Variants in DPP10 observed in about 807,000 individuals in gnomAD.
The protein encoded by DPP10 is inactive dipeptidyl peptidase 10.
A neutral mutation model predicts 120.9 loss-of-function variants in DPP10; 33 were observed. The observed-to-expected ratio is 0.27, with a 90% CI of 0.21 to 0.37. DPP10 has a LOEUF of 0.37. DPP10 is among the 10% of genes least tolerant of loss of function. DPP10 has a pLI of 1.00. For synonymous variants in DPP10, 337 were observed against 326.1 expected (o/e 1.03, Z -0.36); for missense variants, 816 against 942.8 (o/e 0.87, Z 1.76).
At chr2:115,343,754 A>G (rs1235758013) in intron 2 of DPP10, 63 bp from the exon 3 acceptor site, 2 of 1,158,646 alleles carry the variant, frequency 1.7e-6, no homozygotes, top group Non-Finnish European at 2.5e-6. Context: ...AAATTTTGTA[A>G]TTTGCTCCTT....
chr2:115,448,965 A>G (rs1462863247), intron 3 of DPP10, among the ~76,000 whole-genome samples: 1 of 152,110 alleles, frequency 6.6e-6, no homozygotes, highest in East Asian at 1.9e-4. Context: ...TCATACCTAG[A>G]ATAGTTCTGG....
chr2:115,464,201 C>A (rs1036782341), intron 3 of DPP10, among the ~76,000 whole-genome samples: 1 of 152,150 alleles, frequency 6.6e-6, no homozygotes, highest in Non-Finnish European at 1.5e-5. Flanking sequence ...TGTGATAGAG[C>A]AGTCCCAGTC....
intron 1 of DPP10, among the ~76,000 whole-genome samples, chr2:115,076,922 T>G (rs901205373): frequency 2.6e-5 from 4 of 152,258 alleles, no homozygotes; most frequent in African/African-American, 9.6e-5. Context: ...ACTGCTATAT[T>G]GTTTTCCAAA....
At chr2:114,539,403 T>C (rs1185211394) in intron 1 of DPP10, among the ~76,000 whole-genome samples, 1 of 152,124 alleles carries the variant, frequency 6.6e-6, no homozygotes, top group Admixed American at 6.5e-5. Context: ...CCTATCATCT[T>C]AAGATAAAAG....
intron 3 of DPP10, among the ~76,000 whole-genome samples, chr2:115,452,896 T>C (rs17044379): frequency 0.029 from 4,399 of 152,014 alleles, 221 homozygotes; most frequent in African/African-American, 0.099. Flanking sequence ...TAGTAGGATT[T>C]ATGGAAATAC....
intron 3 of DPP10, among the ~76,000 whole-genome samples, chr2:115,375,855 A>G (rs760045271): frequency 1.8e-4 from 28 of 152,238 alleles, no homozygotes; most frequent in Admixed American, 7.2e-4. Context: ...GAAAACAACA[A>G]GAAGAAAATC....
At chr2:114,593,226 C>G (rs753258530) in intron 1 of DPP10, among the ~76,000 whole-genome samples, 1 of 152,104 alleles carries the variant, frequency 6.6e-6, no homozygotes. Flanking sequence ...AAGAAGGCTG[C>G]AGCATGAGAA....
intron 21 of DPP10, among the ~76,000 whole-genome samples, chr2:115,816,901 C>T (rs1458727680): frequency 6.7e-6 from 1 of 149,392 alleles, no homozygotes; most frequent in Non-Finnish European, 1.5e-5. Context: ...AGGTGTGAGC[C>T]ACCGTGCCCA....
intron 3 of DPP10, among the ~76,000 whole-genome samples, chr2:115,440,594 C>T (rs1027120930): frequency 6.6e-6 from 1 of 152,132 alleles, no homozygotes; most frequent in Non-Finnish European, 1.5e-5. Flanking sequence ...CTCTCGGCCC[C>T]GAGGAAGGGG....
chr2:114,892,905 A>G (rs1373892812), intron 1 of DPP10, among the ~76,000 whole-genome samples: 13 of 152,204 alleles, frequency 8.5e-5, no homozygotes, highest in Admixed American at 8.5e-4. Context: ...CAACCAAGAA[A>G]GATGGGATTT....
chr2:115,088,257 A>C (rs538795996), intron 1 of DPP10, among the ~76,000 whole-genome samples: 1 of 152,250 alleles, frequency 6.6e-6, no homozygotes, highest in East Asian at 1.9e-4. Flanking sequence ...GTTAAGGGAC[A>C]CAAACATTCA....
rs566047062 is a variant in DPP10, at chr2:114,676,498, G to GT, written c.60+233667dup. Among the ~76,000 whole-genome samples, 323 of 152,094 alleles carry GT rather than the reference G, an allele frequency of 2.1e-3. 2 individuals carry two copies. Among genetic ancestry groups the GT allele is most frequent in the African/African-American group, 7.3e-3 (304 of 41,508 alleles). On this transcript the variant is annotated intron_variant, in intron 1 of 25. Coordinates refer to ENST00000410059, the MANE Select transcript of DPP10 (RefSeq NM_020868.6). ...GGCACATCGGTGTGTGATACTTTATGTTTTTTTCCAAAATACAGTGTCACA... is the reference window on the plus strand; with the variant it reads ...GGCACATCGGTGTGTGATACTTTATGTTTTTTTTCCAAAATACAGTGTCACA...
At position 115,780,965 on chromosome 2, in the gene DPP10, A is replaced by G. The variant is rs79027270; in HGVS notation, c.1453A>G (p.Met485Val). ...CTYFDASFSP[M>V]NQHFLLFCEG... Reference sequence around the variant, plus strand: ...ATATTTTGATGCCAGTTTTAGTCCCATGAATCAACATTTCTTATTATTCTG... The same window carrying G: ...ATATTTTGATGCCAGTTTTAGTCCCGTGAATCAACATTTCTTATTATTCTG... The change falls in exon 16 of 26, where the codon ATG (methionine) becomes GTG (valine). Residue 485 changes from methionine (M) to valine (V), a missense_variant. Around this residue, in one of 3 missense-constraint regions of DPP10, gnomAD observed 592 missense variants for 649.0 expected, o/e 0.91. Coordinates refer to ENST00000410059, the MANE Select transcript of DPP10 (RefSeq NM_020868.6). The G allele has an allele frequency of 6.3e-7, 1 of 1,592,970 alleles. No homozygotes were observed. Among genetic ancestry groups the G allele is most frequent in the African/African-American group, 1.3e-5 (1 of 74,530 alleles).
intron 5 of DPP10, among the ~76,000 whole-genome samples, chr2:115,589,686 A>G (rs545897889): frequency 6.6e-6 from 1 of 152,338 alleles, no homozygotes; most frequent in East Asian, 1.9e-4. Context: ...TTTTAAAAAC[A>G]TAATTATAAA....
intron 1 of DPP10, among the ~76,000 whole-genome samples, chr2:115,079,990 G>C (rs946561517): frequency 6.6e-6 from 1 of 152,174 alleles, no homozygotes; most frequent in Non-Finnish European, 1.5e-5. Context: ...AAGGGTCAGA[G>C]GCTATGCTAT....
At chr2:115,666,450 C>G (rs2089461319) in intron 5 of DPP10, among the ~76,000 whole-genome samples, 1 of 152,110 alleles carries the variant, frequency 6.6e-6, no homozygotes, top group Non-Finnish European at 1.5e-5. Context: ...CCCCATGATC[C>G]AATAATCTCC....
At chr2:115,676,566 C>T (rs1374878025) in intron 5 of DPP10, among the ~76,000 whole-genome samples, 1 of 151,960 alleles carries the variant, frequency 6.6e-6, no homozygotes, top group Admixed American at 6.6e-5. Context: ...AAAATAAGTG[C>T]TTCATCAATA....
intron 15 of DPP10, 75 bp downstream of exon 15, chr2:115,777,909 G>T (rs1682306423): frequency 8.2e-6 from 12 of 1,464,474 alleles, no homozygotes; most frequent in Non-Finnish European, 1.0e-5. Context: ...GGAAGGAAAG[G>T]AAAAATTTGA....
chr2:115,128,930 G>A (rs1241443194), intron 1 of DPP10, among the ~76,000 whole-genome samples: 1 of 152,144 alleles, frequency 6.6e-6, no homozygotes, highest in Non-Finnish European at 1.5e-5. Context: ...TAGATAAGGA[G>A]GGGAGTAACA....
Sources: allele counts gnomAD v4.1 joint callset (sites outside exome capture counted in the v4.1 genomes callset), GRCh38; gene constraint gnomAD v4.1.1; regional missense constraint gnomAD v4.1.1; transcripts MANE v1.5; gene names NCBI Gene and HGNC (gene_info 2026-07-23, HGNC 2026-07-21).